SBF2: variants seen among roughly 807,000 people sequenced by gnomAD.
SBF2 encodes SET binding factor 2.
SBF2 carries 112 observed loss-of-function variants against 225.2 expected under a neutral mutation model. The observed-to-expected ratio is 0.50, with a 90% CI of 0.43 to 0.58. The LOEUF (loss-of-function observed/expected upper bound fraction) is 0.58. Ranked by LOEUF, SBF2 falls within the 20% of genes least tolerant of loss-of-function variation. The probability of loss-of-function intolerance (pLI) is 0.00; values close to 1 mark genes in which losing one functional copy is unlikely to be tolerated. For synonymous variants in SBF2, 763 were observed against 773.3 expected (o/e 0.99, Z 0.22); for missense variants, 1,996 against 2,206.2 (o/e 0.90, Z 1.91).
At chr11:9,804,915 C>G (rs2133889994) in intron 32 of SBF2, among the ~76,000 whole-genome samples, 1 of 152,276 alleles carries the variant, frequency 6.6e-6, no homozygotes, top group Admixed American at 6.5e-5. Context: ...CCCCCACTAT[C>G]TTGAATCTGG....
At chr11:9,784,530 C>A in intron 37 of SBF2, 92 bp from the exon 38 acceptor site, 1 of 971,882 alleles carries the variant, frequency 1.0e-6, no homozygotes, top group South Asian at 1.4e-5. Context: ...TGTCAAGTCT[C>A]TATTTCCCCT....
intron 2 of SBF2, among the ~76,000 whole-genome samples, chr11:10,173,965 G>T (rs556481560): frequency 2.4e-4 from 36 of 152,078 alleles, no homozygotes; most frequent in African/African-American, 8.4e-4. Context: ...CTGTTAGAAG[G>T]AAAACTAACA....
chr11:10,272,242 G>A lies in SBF2; in HGVS notation c.55+21773C>T, dbSNP rs1432523353. 3.8e-5 allele frequency: 40 copies of A among 1,048,734 alleles called. 11 individuals are homozygous for A. In the East Asian group the frequency reaches 1.1e-3, roughly 30 times the overall value. 65.0% of individuals were successfully genotyped at this position (1,048,734 alleles called of 1,614,324 possible). ...CTACCAAGAGCTGCAGGGCGCTCGC[G>A]CTAGCCCCGGAGGACATGGCGGCGG... On this transcript the variant is annotated intron_variant, in intron 1 of 39. Transcript: ENST00000256190.
At chr11:10,196,866 A>ATATATATATATTTTTTTTTTT in intron 1 of SBF2, among the ~76,000 whole-genome samples, 33 of 99,294 alleles carry the variant, frequency 3.3e-4, no homozygotes, top group African/African-American at 1.2e-3. Flanking sequence ...ATATATATAT[A>ATATATATATATTTTTTTTTTT]TTTTTTTTTT....
At position 10,226,914 on chromosome 11, in the gene SBF2, T is replaced by C. The variant is rs542857813; in HGVS notation, c.56-32927A>G. Among the ~76,000 whole-genome samples, 6 of 152,324 alleles carry C rather than the reference T, an allele frequency of 3.9e-5. No individual in the cohort carries two copies. In the East Asian group the frequency reaches 7.7e-4, roughly 20 times the overall value. On this transcript the variant is annotated intron_variant, in intron 1 of 39. Transcript: ENST00000256190. ...CCTGAGGAATCGCTGACTTCCACAA[T>C]GGTTGAACTAGTTTACAGTCCCACC... is the stretch of plus-strand genomic sequence containing the variant.
intron 2 of SBF2, among the ~76,000 whole-genome samples, chr11:10,047,157 T>C (rs1949896053): frequency 1.3e-5 from 2 of 152,172 alleles, no homozygotes; most frequent in African/African-American, 2.4e-5. Flanking sequence ...TCTATGTTCA[T>C]GGATAGGAAG....
intron 2 of SBF2, among the ~76,000 whole-genome samples, chr11:10,101,794 T>G (rs1952318437): frequency 6.6e-6 from 1 of 152,078 alleles, no homozygotes; most frequent in Non-Finnish European, 1.5e-5. Flanking sequence ...TGGTGCGCTT[T>G]GTGCTAAGAA....
At chr11:9,852,782 A>G in intron 20 of SBF2, 33 bp from the exon 21 acceptor site, 1 of 1,473,760 alleles carries the variant, frequency 6.8e-7, no homozygotes, top group Non-Finnish European at 9.5e-7. Flanking sequence ...AAATGAAAGA[A>G]CACAGACAAG....
chr11:10,168,887 T>C (rs1956079677), intron 2 of SBF2, among the ~76,000 whole-genome samples: 1 of 152,302 alleles, frequency 6.6e-6, no homozygotes, highest in South Asian at 2.1e-4. Flanking sequence ...GAAACCACAA[T>C]AAATTAACCA....
chr11:9,800,354 G>GTCTT (rs1258911936), intron 32 of SBF2, among the ~76,000 whole-genome samples: 2 of 152,030 alleles, frequency 1.3e-5, no homozygotes, highest in Admixed American at 6.6e-5. Context: ...TGTGTGATTG[G>GTCTT]TCTTTTCATT....
intron 13 of SBF2, among the ~76,000 whole-genome samples, chr11:9,972,471 T>C (rs1051733982): frequency 1.3e-5 from 2 of 152,112 alleles, no homozygotes; most frequent in African/African-American, 4.8e-5. Context: ...TAGTATCCAA[T>C]ATGTTTTTTG....
intron 3 of SBF2, among the ~76,000 whole-genome samples, chr11:10,035,125 TG>T (rs1165266719): frequency 6.6e-6 from 1 of 152,010 alleles, no homozygotes; most frequent in Non-Finnish European, 1.5e-5. Flanking sequence ...CCACCACGCC[TG>T]GCTAATTTTT....
intron 2 of SBF2, among the ~76,000 whole-genome samples, chr11:10,150,234 A>T (rs954689027): frequency 6.6e-6 from 1 of 152,226 alleles, no homozygotes; most frequent in East Asian, 1.9e-4. Flanking sequence ...AGGTTCATTT[A>T]GTTACTCTAG....
chr11:9,932,827 C>T (rs1418583385), intron 16 of SBF2, among the ~76,000 whole-genome samples: 1 of 151,922 alleles, frequency 6.6e-6, no homozygotes, highest in Admixed American at 6.6e-5. Context: ...TTAAAAGATA[C>T]AGACTGGCAA....
At chr11:9,913,602 T>C (rs532841650) in intron 16 of SBF2, among the ~76,000 whole-genome samples, 72 of 151,946 alleles carry the variant, frequency 4.7e-4, no homozygotes, top group Non-Finnish European at 7.5e-4. Context: ...TGCATGGCAA[T>C]GATGTTTTTT....
intron 17 of SBF2, among the ~76,000 whole-genome samples, chr11:9,888,426 C>T (rs1041570171): frequency 1.3e-5 from 2 of 151,596 alleles, no homozygotes; most frequent in Admixed American, 1.3e-4. Flanking sequence ...ATTGCTTAAG[C>T]CCAGGAGGTG....
At chr11:10,137,511 G>A (rs1197380481) in intron 2 of SBF2, among the ~76,000 whole-genome samples, 1 of 152,184 alleles carries the variant, frequency 6.6e-6, no homozygotes, top group African/African-American at 2.4e-5. Context: ...TCACCAGTAA[G>A]TATAATGTTA....
chr11:10,252,452 C>A (rs1054067927), intron 1 of SBF2, among the ~76,000 whole-genome samples: 6 of 152,232 alleles, frequency 3.9e-5, no homozygotes, highest in African/African-American at 1.4e-4. Flanking sequence ...CTTGGCCAAT[C>A]CCATCGGCCA....
Position 9,919,181 on chromosome 11 carries a change from T to C in SBF2, c.1861-23170A>G, listed in dbSNP as rs564405478. Among the ~76,000 whole-genome samples, 88 of 152,146 alleles carry C rather than the reference T, an allele frequency of 5.8e-4. 1 individual carries two copies. The highest frequency in any genetic ancestry group is 1.1e-3 in the Non-Finnish European group (73 of 68,030). On this transcript the variant is annotated intron_variant, in intron 16 of 39. Coordinates refer to ENST00000256190, the MANE Select transcript of SBF2 (RefSeq NM_030962.4). ...AGACATTTCTTTATACCACTATTGT[T>C]AGAATATTTTAATCTCTTTTCCCTC... is the stretch of plus-strand genomic sequence containing the variant.
Sources: allele counts gnomAD v4.1 joint callset (sites outside exome capture counted in the v4.1 genomes callset), GRCh38; gene constraint gnomAD v4.1.1; transcripts MANE v1.5; gene names NCBI Gene and HGNC (gene_info 2026-07-23, HGNC 2026-07-21).